EYA1: variants seen among roughly 807,000 people sequenced by gnomAD.
EYA1 encodes EYA transcriptional coactivator and phosphatase 1.
EYA1 carries 16 observed loss-of-function variants against 82.0 expected under a neutral mutation model. The observed-to-expected ratio is 0.20, with a 90% CI of 0.13 to 0.30. The LOEUF is 0.30. EYA1 is among the 10% of genes least tolerant of loss of function. The probability of loss-of-function intolerance (pLI) is 1.00; values close to 1 mark genes in which losing one functional copy is unlikely to be tolerated. For synonymous variants in EYA1, 261 were observed against 264.4 expected, an observed-to-expected ratio of 0.99 and a Z score of 0.12; for missense variants, 633 against 730.7, an observed-to-expected ratio of 0.87 and a Z score of 1.54.
At chr8:71,365,262 G>A (rs1827688605), upstream of EYA1, among the ~76,000 whole-genome samples, 1 of 151,820 alleles carries the variant, frequency 6.6e-6, no homozygotes, top group South Asian at 2.1e-4. Context: ...TTATTTTACA[G>A]TTGTGAAGTT....
chr8:71,348,889 A>G lies in EYA1; in HGVS notation c.124+5893T>C, dbSNP rs185954333. ...TCTTAAAGTCAAGAAAAGTGTGACT[A>G]AATTTATCACCTACTTAGAAATATT... is the stretch of plus-strand genomic sequence containing the variant. On this transcript the variant is annotated intron_variant, in intron 3 of 17. Coordinates refer to ENST00000340726, the MANE Select transcript of EYA1 (RefSeq NM_000503.6). Among the ~76,000 whole-genome samples, 3 of 152,322 alleles carry G rather than the reference A, an allele frequency of 2.0e-5. No individual in the cohort carries two copies. In the East Asian group the frequency reaches 5.8e-4, roughly 29 times the overall value.
At chr8:71,383,844 A>T (rs1828839407) in intron 2 of EYA1, among the ~76,000 whole-genome samples, 1 of 152,096 alleles carries the variant, frequency 6.6e-6, no homozygotes, top group African/African-American at 2.4e-5. Context: ...AAAGATTTGG[A>T]GAATACAATA....
At chr8:71,449,539 A>G (rs1807185571) in intron 2 of EYA1, among the ~76,000 whole-genome samples, 1 of 152,358 alleles carries the variant, frequency 6.6e-6, no homozygotes, top group South Asian at 2.1e-4. Flanking sequence ...CAAGCTATGG[A>G]CAGATGTTTT....
intron 11 of EYA1, among the ~76,000 whole-genome samples, chr8:71,251,841 T>G (rs998136281): frequency 6.8e-6 from 1 of 147,566 alleles, no homozygotes; most frequent in African/African-American, 2.6e-5. Context: ...ATTTTTTTTT[T>G]AATCCTCATC....
intron 1 of EYA1, among the ~76,000 whole-genome samples, chr8:71,359,188 A>G (rs887314921): frequency 2.0e-5 from 3 of 152,184 alleles, no homozygotes; most frequent in African/African-American, 7.2e-5. Flanking sequence ...ATCCTAAACT[A>G]GTAACTTTGA....
At chr8:71,523,494 C>T (rs568617133) in intron 2 of EYA1, among the ~76,000 whole-genome samples, 1 of 152,122 alleles carries the variant, frequency 6.6e-6, no homozygotes, top group African/African-American at 2.4e-5. Flanking sequence ...CTATTCAGCT[C>T]TTATTGGCAG....
chr8:71,412,659 A>G (rs980288165), intron 2 of EYA1, among the ~76,000 whole-genome samples: 3 of 152,198 alleles, frequency 2.0e-5, no homozygotes, highest in Non-Finnish European at 2.9e-5. Context: ...ATAGAAATTT[A>G]GTGTTACATT....
intron 2 of EYA1, among the ~76,000 whole-genome samples, chr8:71,525,697 T>C (rs1449123563): frequency 6.6e-6 from 1 of 152,198 alleles, no homozygotes; most frequent in Non-Finnish European, 1.5e-5. Flanking sequence ...GCCGTGGTGT[T>C]TGTTTTTAGG....
At chr8:71,218,198 C>T (rs886233115) in intron 12 of EYA1, among the ~76,000 whole-genome samples, 6 of 152,182 alleles carry the variant, frequency 3.9e-5, no homozygotes, top group Non-Finnish European at 7.3e-5. Context: ...TTCTTTTTGA[C>T]TGAAGGTCTG....
chr8:71,232,979 C>T (rs1811376327), intron 12 of EYA1, among the ~76,000 whole-genome samples: 1 of 152,190 alleles, frequency 6.6e-6, no homozygotes, highest in Non-Finnish European at 1.5e-5. Flanking sequence ...GGTATATCAT[C>T]ATCCAGTTTT....
At chr8:71,310,907 C>T (rs1821266535) in intron 7 of EYA1, among the ~76,000 whole-genome samples, 1 of 151,724 alleles carries the variant, frequency 6.6e-6, no homozygotes, top group African/African-American at 2.4e-5. Context: ...ATGTTCATTA[C>T]CTTTAATAGT....
At chr8:71,404,917 C>CAAAAAAAAAAAAAAAAAA (rs766716754) in intron 2 of EYA1, 1 of 40,900 alleles carries the variant, frequency 2.4e-5, no homozygotes, top group Non-Finnish European at 5.1e-5. Context: ...GACTCCACCT[C>CAAAAAAAAAAAAAAAAAA]AAAAAAAAAA....
At chr8:71,331,201 C>T (rs1823804210) in intron 4 of EYA1, among the ~76,000 whole-genome samples, 1 of 150,462 alleles carries the variant, frequency 6.6e-6, no homozygotes, top group South Asian at 2.1e-4. Flanking sequence ...AGCACTCCAG[C>T]CTGGGCAACA....
Position 71,215,712 on chromosome 8 carries a change from A to G in EYA1, c.1377T>C (p.Ala459=). The G allele has an allele frequency of 6.2e-7, 1 of 1,613,510 alleles. No homozygotes were observed. Among genetic ancestry groups the G allele is most frequent in the Non-Finnish European group, 8.5e-7 (1 of 1,179,482 alleles). The change falls in exon 15 of 18, where the codon GCT becomes GCC. Residue 459 remains alanine, a synonymous_variant. Coordinates refer to ENST00000340726, the MANE Select transcript of EYA1 (RefSeq NM_000503.6). ...TCAACTGCAGCCAGGCTTCCCTCTT[A>G]GCTGGACCAAGCAGACCTGAGGATT... ...KNNVGGLLGP[A]KREAWLQLRA... is the part of the protein sequence containing the mutation.
chr8:71,347,482 C>T (rs1265340029), intron 3 of EYA1, among the ~76,000 whole-genome samples: 1 of 152,078 alleles, frequency 6.6e-6, no homozygotes, highest in Non-Finnish European at 1.5e-5. Context: ...ACTGCCTCGC[C>T]TGGATAATTT....
At chr8:71,329,269 C>T (rs1823530299) in intron 4 of EYA1, among the ~76,000 whole-genome samples, 1 of 152,202 alleles carries the variant, frequency 6.6e-6, no homozygotes, top group Admixed American at 6.5e-5. Context: ...CTACCTTCTT[C>T]TTTCTACCCG....
chr8:71,340,814 G>T (rs1825040862), intron 3 of EYA1, among the ~76,000 whole-genome samples: 1 of 151,944 alleles, frequency 6.6e-6, no homozygotes, highest in Admixed American at 6.5e-5. Flanking sequence ...TATCTCTACA[G>T]GACTTAGCCC....
chr8:71,492,806 G>GTTACAAAGTA (rs1339428214), intron 2 of EYA1, among the ~76,000 whole-genome samples: 2 of 152,138 alleles, frequency 1.3e-5, no homozygotes, highest in Non-Finnish European at 2.9e-5. Context: ...GTGTAGGTTT[G>GTTACAAAGTA]TTACAAAGTA....
chr8:71,425,980 C>G (rs762478607), intron 2 of EYA1, among the ~76,000 whole-genome samples: 22 of 152,234 alleles, frequency 1.4e-4, no homozygotes, highest in Middle Eastern at 3.4e-3. Flanking sequence ...CTATATAGAC[C>G]TCATGAGGCT....
Sources: gnomAD v4.1 joint callset for allele counts (sites outside exome capture counted in the v4.1 genomes callset) on GRCh38, gnomAD v4.1.1 for gene constraint, MANE v1.5 for transcripts, NCBI Gene and HGNC (gene_info 2026-07-23, HGNC 2026-07-21) for gene names.